Variants in GFRA1 observed in about 807,000 individuals in gnomAD.
The protein encoded by GFRA1 is GDNF family receptor alpha 1, also known as GDNF family receptor alpha-1.
In GFRA1, 16 loss-of-function variants were observed where a neutral mutation model predicts 51.6. That is an observed-to-expected ratio of 0.31 (90% CI 0.21 to 0.47). The LOEUF is 0.47. Among genes scored for constraint, GFRA1 ranks in the 20% least tolerant of loss-of-function variants. The pLI, the probability that GFRA1 is intolerant of heterozygous loss-of-function variation, is 1.00. For missense variants in GFRA1, 530 were observed against 594.3 expected, an observed-to-expected ratio of 0.89 and a Z score of 1.13; for synonymous variants, 270 against 241.3, an observed-to-expected ratio of 1.12 and a Z score of -1.10.
chr10:116,081,017 C>A lies in GFRA1; in HGVS notation c.1197+8724G>T, dbSNP rs139129147. Among the ~76,000 whole-genome samples, 1,245 of 152,358 alleles carry A rather than the reference C, an allele frequency of 8.2e-3. 14 individuals carry two copies. Among genetic ancestry groups the A allele is most frequent in the African/African-American group, 0.026 (1,082 of 41,580 alleles). On this transcript the variant is annotated intron_variant, in intron 9 of 10. Transcript: ENST00000355422. ...GCTCTCCATTGGAAACCCCCCCAGA[C>A]CTTGCCCTAGGCATCTCTTTGTCTA...
intron 4 of GFRA1, among the ~76,000 whole-genome samples, chr10:116,215,050 T>C (rs1248248485): frequency 2.0e-5 from 3 of 152,212 alleles, no homozygotes; most frequent in Non-Finnish European, 4.4e-5. Flanking sequence ...ATTGCAACAA[T>C]TTTGCACGTG....
chr10:116,192,647 T>C (rs563586268), intron 5 of GFRA1, among the ~76,000 whole-genome samples: 3 of 152,292 alleles, frequency 2.0e-5, no homozygotes, highest in Admixed American at 1.3e-4. Context: ...ATCTCAAAGC[T>C]GACCAGCTCC....
intron 2 of GFRA1, 33 bp from the exon 3 acceptor site, chr10:116,271,148 G>A (rs1411584317): frequency 6.4e-7 from 1 of 1,571,866 alleles, no homozygotes; most frequent in East Asian, 2.3e-5. Context: ...CCTGAGTGCG[G>A]CGGGCGGGGA....
chr10:116,194,140 T>C (rs1333148142), intron 5 of GFRA1, among the ~76,000 whole-genome samples: 1 of 151,254 alleles, frequency 6.6e-6, no homozygotes, highest in Non-Finnish European at 1.5e-5. Flanking sequence ...GAGTTACTAA[T>C]ACTTTGCAGT....
chr10:116,078,188 C>T (rs970493978), intron 9 of GFRA1, among the ~76,000 whole-genome samples: 1 of 152,218 alleles, frequency 6.6e-6, no homozygotes, highest in African/African-American at 2.4e-5. Flanking sequence ...GTTGAGCATG[C>T]TGGCTTGTAT....
chr10:116,224,939 T>C (rs971218474), intron 4 of GFRA1, among the ~76,000 whole-genome samples: 18 of 152,166 alleles, frequency 1.2e-4, no homozygotes, highest in Non-Finnish European at 1.8e-4. Context: ...CCCAGCTGTT[T>C]ATCCTATGAA....
intron 8 of GFRA1, 99 bp downstream of exon 8, chr10:116,093,603 A>G (rs1565569813): frequency 4.8e-6 from 5 of 1,038,864 alleles, no homozygotes; most frequent in Non-Finnish European, 7.5e-6. Context: ...GTACAGGCAC[A>G]AGGTACAAGA....
At chr10:116,112,964 C>G (rs1217246525) in intron 6 of GFRA1, among the ~76,000 whole-genome samples, 1 of 152,192 alleles carries the variant, frequency 6.6e-6, no homozygotes, top group Non-Finnish European at 1.5e-5. Context: ...CACAAGTCTT[C>G]CAGCCCAAGA....
At chr10:116,161,831 A>G (rs1959838283) in intron 5 of GFRA1, among the ~76,000 whole-genome samples, 1 of 152,234 alleles carries the variant, frequency 6.6e-6, no homozygotes, top group African/African-American at 2.4e-5. Flanking sequence ...TTAGCGTGTG[A>G]AAACAGACAA....
intron 6 of GFRA1, among the ~76,000 whole-genome samples, chr10:116,098,945 G>A (rs1301237904): frequency 2.0e-5 from 3 of 152,156 alleles, no homozygotes; most frequent in Admixed American, 1.3e-4. Flanking sequence ...AGAGATCATC[G>A]GCACATATCC....
rs189782478 is a variant in GFRA1 at position 116,107,948 on chromosome 10, C to T, written c.771-11184G>A. Among the ~76,000 whole-genome samples, 194 of 152,210 alleles carry T rather than the reference C, an allele frequency of 1.3e-3. 1 individual carries two copies. Among genetic ancestry groups the T allele is most frequent in the African/African-American group, 4.4e-3 (183 of 41,518 alleles). On this transcript the variant is annotated intron_variant, in intron 6 of 10. Coordinates refer to ENST00000355422, the MANE Select transcript of GFRA1 (RefSeq NM_005264.8). ...CCCCCTACTTTCTCCAGTCCCCAAA[C>T]GACAAGAGCTAAATATCTCTGGGTG...
intron 8 of GFRA1, among the ~76,000 whole-genome samples, chr10:116,092,380 A>G (rs1459175180): frequency 1.3e-5 from 2 of 152,176 alleles, no homozygotes; most frequent in Non-Finnish European, 2.9e-5. Context: ...AGGAAGTTTT[A>G]GAGTAACACA....
chr10:116,187,904 T>A (rs1336694874), intron 5 of GFRA1, among the ~76,000 whole-genome samples: 1 of 152,000 alleles, frequency 6.6e-6, no homozygotes, highest in Non-Finnish European at 1.5e-5. Context: ...CAGAGATGCA[T>A]TCTTCACCCC....
chr10:116,179,127 A>G (rs1324444791), intron 5 of GFRA1, among the ~76,000 whole-genome samples: 2 of 152,174 alleles, frequency 1.3e-5, no homozygotes, highest in Non-Finnish European at 1.5e-5. Context: ...AACACAACCC[A>G]AAACCCAGCC....
rs116492461 is a variant in GFRA1 at position 116,196,346 on chromosome 10, G to C, written c.433+15285C>G. Among the ~76,000 whole-genome samples the C allele has an allele frequency of 4.6e-3, 690 of 150,688 alleles. 3 individuals carry two copies. Among genetic ancestry groups the C allele is most frequent in the African/African-American group, 0.016 (651 of 41,028 alleles). On this transcript the variant is annotated intron_variant, in intron 5 of 10. Transcript: ENST00000355422. ...CTACTAAAAATACAAATAATTTGCC[G>C]GACGTGGTGGCAGGTGCCTGTAATC...
intron 4 of GFRA1, among the ~76,000 whole-genome samples, chr10:116,263,648 A>G (rs1969451268): frequency 6.6e-6 from 1 of 152,202 alleles, no homozygotes; most frequent in African/African-American, 2.4e-5. Context: ...AAAGCCAGTT[A>G]GTAAAAGAGT....
chr10:116,272,162 C>T lies in GFRA1; in HGVS notation c.-133G>A. On this transcript the variant is annotated 5_prime_UTR_variant, in exon 2 of 11. Transcript: ENST00000355422. This position sits in a 1 kb window ranked among gnomAD's most constrained non-coding sequence, Gnocchi z 4.4. ...CTGGCCGCCCAAAGTTCAGCTCCAT[C>T]CAGTGAAAGAGGAAACTCCGGGTCT... 1 of 809,730 alleles carries T rather than the reference C, an allele frequency of 1.2e-6. No individual in the cohort carries two copies. 50.2% of individuals were successfully genotyped at this position (809,730 alleles called of 1,614,324 possible). A position where few individuals can be genotyped will look rare whatever the true frequency, so the allele number is the denominator to read the frequency against.
chr10:116,079,087 G>A lies in GFRA1; in HGVS notation c.1197+10654C>T, dbSNP rs150450768. Among the ~76,000 whole-genome samples, 1,417 of 152,054 alleles carry A rather than the reference G, an allele frequency of 9.3e-3. 26 individuals are homozygous for A. Among genetic ancestry groups the A allele is most frequent in the African/African-American group, 0.031 (1,270 of 41,494 alleles). On this transcript the variant is annotated intron_variant, in intron 9 of 10. Coordinates refer to ENST00000355422, the MANE Select transcript of GFRA1 (RefSeq NM_005264.8). Reference sequence around the variant, plus strand: ...GGTAATCATCCAGCGCGCTGGATGCGTAAAAACACCAGAAGGTGATGGTGT... The same window carrying A: ...GGTAATCATCCAGCGCGCTGGATGCATAAAAACACCAGAAGGTGATGGTGT...
At chr10:116,256,050 G>C (rs901548140) in intron 4 of GFRA1, among the ~76,000 whole-genome samples, 2 of 152,096 alleles carry the variant, frequency 1.3e-5, no homozygotes, top group African/African-American at 4.8e-5. Flanking sequence ...CCTACCCACC[G>C]GTTTCCTGCA....
Sources: allele counts gnomAD v4.1 joint callset (sites outside exome capture counted in the v4.1 genomes callset), GRCh38; gene constraint gnomAD v4.1.1; non-coding constraint Gnocchi (gnomAD v3.1); transcripts MANE v1.5; gene names NCBI Gene and HGNC (gene_info 2026-07-23, HGNC 2026-07-21).